Variants in MMP24 observed in about 807,000 individuals in gnomAD.
MMP24 encodes matrix metallopeptidase 24, also known as matrix metalloproteinase-24.
MMP24 carries 25 observed loss-of-function variants against 62.8 expected under a neutral mutation model. The ratio of observed to expected loss-of-function variants is 0.40; its 90% confidence interval spans 0.29 to 0.56. The LOEUF is 0.56. Ranked by LOEUF, MMP24 falls within the 20% of genes least tolerant of loss-of-function variation. MMP24 has a pLI of 0.50. For missense variants in MMP24, 634 were observed against 853.6 expected, an observed-to-expected ratio of 0.74 and a Z score of 3.21; for synonymous variants, 319 against 350.5, an observed-to-expected ratio of 0.91 and a Z score of 1.00.
At chr20:35,272,615 A>AC (rs2060677421) in intron 8 of MMP24, among the ~76,000 whole-genome samples, 1 of 152,202 alleles carries the variant, frequency 6.6e-6, no homozygotes, top group African/African-American at 2.4e-5. Context: ...TCAGACACTC[A>AC]GCCTGTCTCC....
At chr20:35,239,792 C>T (rs1177885159) in intron 1 of MMP24, among the ~76,000 whole-genome samples, 1 of 152,144 alleles carries the variant, frequency 6.6e-6, no homozygotes, top group Non-Finnish European at 1.5e-5. Context: ...GAGAGCGAGA[C>T]CCTGTCTCAA....
intron 2 of MMP24, among the ~76,000 whole-genome samples, chr20:35,247,249 G>C (rs981205915): frequency 6.6e-6 from 1 of 152,148 alleles, no homozygotes; most frequent in Non-Finnish European, 1.5e-5. Flanking sequence ...AGTACAGTGA[G>C]GGGTTGGGTT....
chr20:35,261,181 C>G (rs745525528), intron 4 of MMP24, among the ~76,000 whole-genome samples: 5 of 152,200 alleles, frequency 3.3e-5, no homozygotes, highest in Non-Finnish European at 7.4e-5. Flanking sequence ...CTTCATCCCC[C>G]TAAGTTCAGG....
chr20:35,234,865 C>T (rs1238800037), intron 1 of MMP24, among the ~76,000 whole-genome samples: 2 of 152,130 alleles, frequency 1.3e-5, no homozygotes, highest in Admixed American at 6.5e-5. Flanking sequence ...TATGATTGTG[C>T]CACTGCACTC....
chr20:35,272,560 ACTC>A lies in MMP24; in HGVS notation c.1600+731_1600+733del, dbSNP rs374368693. Among the ~76,000 whole-genome samples, 604 of 151,984 alleles carry A rather than the reference ACTC, an allele frequency of 4.0e-3. 6 individuals carry two copies. Among genetic ancestry groups the A allele is most frequent in the African/African-American group, 0.014 (580 of 41,448 alleles). ...GAGAGAAACTTTTTATGTTTCCTGA[ACTC>A]CTCCTAGAAGCCATGCTGGCCACCA... On this transcript the variant is annotated intron_variant, in intron 8 of 8. Transcript: ENST00000246186.
chr20:35,230,073 T>G (rs1159948588), intron 1 of MMP24, among the ~76,000 whole-genome samples: 1 of 152,178 alleles, frequency 6.6e-6, no homozygotes, highest in Non-Finnish European at 1.5e-5. Flanking sequence ...CACTGCAACC[T>G]CCGCCTCCCA....
At position 35,276,060 on chromosome 20, in the gene MMP24, A is replaced by G. The variant is rs2060703707; in HGVS notation, c.*1451A>G. ...GCCAAAAAGGTGTCAGGCAGTCTCCAGCGTGCTGGCCGGGTCTCGGATGCC... is the reference window on the plus strand; with the variant it reads ...GCCAAAAAGGTGTCAGGCAGTCTCCGGCGTGCTGGCCGGGTCTCGGATGCC... On this transcript the variant is annotated 3_prime_UTR_variant, in exon 9 of 9. Transcript: ENST00000246186. 5.0e-6 allele frequency: 2 copies of G among 398,486 alleles called. No individual in the cohort carries two copies. The highest frequency in any genetic ancestry group is 8.8e-6 in the Non-Finnish European group (2 of 226,118). 24.7% of individuals were successfully genotyped at this position (398,486 alleles called of 1,614,324 possible). A position where few individuals can be genotyped will look rare whatever the true frequency, so the allele number is the denominator to read the frequency against.
chr20:35,271,653 G>C lies in MMP24; in HGVS notation c.1418G>C (p.Arg473Pro). ...SLGELGSCLP[R>P]EGIDTALRWE... ...GGGGAGCTGGGCAGCTGTTTGCCCC[G>C]TGAAGGCATTGACACAGCTCTGCGC... Residue 473 changes from arginine (R) to proline (P), a missense_variant, in exon 8 of 9, where the codon CGT becomes CCT. Coordinates refer to ENST00000246186, the MANE Select transcript of MMP24 (RefSeq NM_006690.4). This position sits in a 1 kb window ranked among gnomAD's most constrained non-coding sequence, Gnocchi z 4.0. The C allele has an allele frequency of 6.2e-7, 1 of 1,610,036 alleles. No individual in the cohort carries two copies. Among genetic ancestry groups the C allele is most frequent in the South Asian group, 1.1e-5 (1 of 90,152 alleles).
At chr20:35,231,605 A>G (rs1184785613) in intron 1 of MMP24, among the ~76,000 whole-genome samples, 1 of 152,174 alleles carries the variant, frequency 6.6e-6, no homozygotes, top group Non-Finnish European at 1.5e-5. Context: ...TGCACTTCCC[A>G]TATGCCATGT....
At chr20:35,266,678 A>T (rs1458199652) in intron 5 of MMP24, among the ~76,000 whole-genome samples, 1 of 152,124 alleles carries the variant, frequency 6.6e-6, no homozygotes, top group East Asian at 1.9e-4. Flanking sequence ...CATCAGCATC[A>T]CCTGAGAGTG....
intron 2 of MMP24, among the ~76,000 whole-genome samples, chr20:35,251,428 G>C (rs59362967): frequency 6.6e-6 from 1 of 152,164 alleles, no homozygotes; most frequent in Non-Finnish European, 1.5e-5. Flanking sequence ...CCCAGCTGAA[G>C]AGTTTGAATT....
rs564906017 is a variant in MMP24 at position 35,276,078 on chromosome 20, C to T, written c.*1469C>T. Reference sequence around the variant, plus strand: ...AGTCTCCAGCGTGCTGGCCGGGTCTCGGATGCCACCCCTGCTCACTGAGCC... The same window carrying T: ...AGTCTCCAGCGTGCTGGCCGGGTCTTGGATGCCACCCCTGCTCACTGAGCC... On this transcript the variant is annotated 3_prime_UTR_variant, in exon 9 of 9. Coordinates refer to ENST00000246186, the MANE Select transcript of MMP24 (RefSeq NM_006690.4). 102 of 398,654 alleles carry T rather than the reference C, an allele frequency of 2.6e-4. No homozygotes were observed. Among genetic ancestry groups the T allele is most frequent in the Non-Finnish European group, 4.2e-4 (94 of 226,180 alleles). 24.7% of individuals were successfully genotyped at this position (398,654 alleles called of 1,614,324 possible).
Position 35,251,953 on chromosome 20 carries a change from C to T in MMP24, c.444C>T (p.Ser148=). Residue 148 remains serine, a synonymous_variant, in exon 3 of 9, where the codon AGC becomes AGT. Coordinates refer to ENST00000246186, the MANE Select transcript of MMP24 (RefSeq NM_006690.4). ...GTGTCCCTGATCACCCCCACTTAAG[C>T]CGTAGGCGGAGAAACAAGCGCTATG... The part of the protein sequence containing the change: ...RCGVPDHPHL[S]RRRRNKRYAL... 1.9e-6 allele frequency: 3 copies of T among 1,614,036 alleles called. No individual in the cohort carries two copies. Among genetic ancestry groups the T allele is most frequent in the Non-Finnish European group, 1.7e-6 (2 of 1,179,906 alleles).
intron 4 of MMP24, among the ~76,000 whole-genome samples, chr20:35,259,312 C>A (rs751927140): frequency 6.6e-6 from 1 of 152,210 alleles, no homozygotes; most frequent in African/African-American, 2.4e-5. Flanking sequence ...GCAGGTGGTC[C>A]GAGTATTTCC....
intron 4 of MMP24, among the ~76,000 whole-genome samples, chr20:35,257,507 G>C (rs1357636566): frequency 6.6e-6 from 1 of 152,192 alleles, no homozygotes; most frequent in Non-Finnish European, 1.5e-5. Flanking sequence ...TTATATTCCT[G>C]ATAGAGGCAA....
At chr20:35,231,342 C>T (rs2060436420) in intron 1 of MMP24, among the ~76,000 whole-genome samples, 1 of 152,118 alleles carries the variant, frequency 6.6e-6, no homozygotes, top group African/African-American at 2.4e-5. Flanking sequence ...AAGATTGACC[C>T]CGAATGATTG....
At chr20:35,264,707 C>CAAAA (rs57309455) in intron 5 of MMP24, among the ~76,000 whole-genome samples, 1,314 of 42,950 alleles carry the variant, frequency 0.031, 1 homozygote, top group East Asian at 0.05. Context: ...GACTCCGTCT[C>CAAAA]AAAAAAAAAA....
At chr20:35,248,297 T>TC (rs930469987) in intron 2 of MMP24, among the ~76,000 whole-genome samples, 1,620 of 134,582 alleles carry the variant, frequency 0.012, 36 homozygotes, top group African/African-American at 0.038. Flanking sequence ...AATTCTAGAT[T>TC]CCCCCCCCCT....
Position 35,275,997 on chromosome 20 carries a change from C to T in MMP24, c.*1388C>T. The T allele has an allele frequency of 2.5e-6, 1 of 398,672 alleles. No individual in the cohort carries two copies. Among genetic ancestry groups the T allele is most frequent in the East Asian group, 3.6e-5 (1 of 28,076 alleles). 24.7% of individuals were successfully genotyped at this position (398,672 alleles called of 1,614,324 possible). A position where few individuals can be genotyped will look rare whatever the true frequency, so the allele number is the denominator to read the frequency against. On this transcript the variant is annotated 3_prime_UTR_variant, in exon 9 of 9. Transcript: ENST00000246186. Reference sequence around the variant, plus strand: ...TGTCACTGAGGAGCCCTAGACAAGGCCAATGGGTTCATCAATGCCCACTGG... The same window carrying T: ...TGTCACTGAGGAGCCCTAGACAAGGTCAATGGGTTCATCAATGCCCACTGG...
Sources: gnomAD v4.1 joint callset for allele counts (sites outside exome capture counted in the v4.1 genomes callset) on GRCh38, gnomAD v4.1.1 for gene constraint, Gnocchi (gnomAD v3.1) non-coding constraint, MANE v1.5 for transcripts, NCBI Gene and HGNC (gene_info 2026-07-23, HGNC 2026-07-21) for gene names.